SPMIP4: variants seen among roughly 807,000 people sequenced by gnomAD.
The protein encoded by SPMIP4 is sperm-associated microtubule inner protein 4.
chr7:25,157,870 C>T, the SPMIP4 span, among the ~76,000 whole-genome samples: 6 of 152,122 alleles, frequency 3.9e-5, no homozygotes, highest in South Asian at 6.2e-4. Flanking sequence ...ACAAATGTGC[C>T]ATATTAATGT....
the SPMIP4 span, chr7:25,134,763 TAA>T: frequency 2.0e-6 from 2 of 985,176 alleles, no homozygotes; most frequent in Non-Finnish European, 2.4e-6. Context: ...TACTCTGTGA[TAA>T]AAAGTGTGTA....
chr7:25,174,866 C>T, the SPMIP4 span, among the ~76,000 whole-genome samples: 1 of 152,096 alleles, frequency 6.6e-6, no homozygotes, highest in South Asian at 2.1e-4. The surrounding 1 kb of genome is among the most constrained non-coding windows in gnomAD (Gnocchi z 4.5). Context: ...AAAATTACCA[C>T]CTGTTTATAT....
chr7:25,164,235 T>C, the SPMIP4 span, among the ~76,000 whole-genome samples: 2 of 152,308 alleles, frequency 1.3e-5, no homozygotes, highest in East Asian at 3.9e-4. Flanking sequence ...CCTCGAGCTT[T>C]GGTGGTTTAG....
chr7:25,143,048 T>C, the SPMIP4 span, among the ~76,000 whole-genome samples: 2 of 152,204 alleles, frequency 1.3e-5, no homozygotes, highest in Non-Finnish European at 2.9e-5. Flanking sequence ...TCTTTTGCCT[T>C]AGCTGGGACT....
chr7:25,132,044 T>C, the SPMIP4 span, among the ~76,000 whole-genome samples: 2 of 152,074 alleles, frequency 1.3e-5, no homozygotes, highest in Non-Finnish European at 2.9e-5. This position sits in a 1 kb window ranked among gnomAD's most constrained non-coding sequence, Gnocchi z 5.0. Flanking sequence ...CAAGATTTAA[T>C]AGAGTGAAAT....
the SPMIP4 span, among the ~76,000 whole-genome samples, chr7:25,148,474 CCT>C: frequency 1.4e-5 from 1 of 71,774 alleles, no homozygotes; most frequent in East Asian, 3.2e-4. Context: ...ACAGAATCTG[CCT>C]CTTTTTTTTT....
At chr7:25,150,478 C>A in the SPMIP4 span, among the ~76,000 whole-genome samples, 27 of 152,174 alleles carry the variant, frequency 1.8e-4, no homozygotes, top group Non-Finnish European at 1.5e-4. Flanking sequence ...ACATGCTGGG[C>A]CTGTCACAGT....
chr7:25,149,826 G>A, the SPMIP4 span, among the ~76,000 whole-genome samples: 3 of 152,112 alleles, frequency 2.0e-5, no homozygotes, highest in Admixed American at 6.6e-5. Context: ...CAGATTTTTA[G>A]TGAAATTACC....
At chr7:25,136,206 GAAC>G in the SPMIP4 span, 1 of 1,614,130 alleles carries the variant, frequency 6.2e-7, no homozygotes, top group Non-Finnish European at 8.5e-7. This position sits in a 1 kb window ranked among gnomAD's most constrained non-coding sequence, Gnocchi z 5.7. Context: ...CCATATTCAA[GAAC>G]AACTCTTCTT....
chr7:25,135,526 CA>C, the SPMIP4 span: 1 of 982,182 alleles, frequency 1.0e-6, no homozygotes, highest in Non-Finnish European at 1.2e-6. Context: ...CTACTATGTA[CA>C]AAAATTTACA....
chr7:25,167,501 C>T, the SPMIP4 span, among the ~76,000 whole-genome samples: 1 of 152,184 alleles, frequency 6.6e-6, no homozygotes, highest in Non-Finnish European at 1.5e-5. Context: ...TCTAATTGGC[C>T]TGTGACTGTC....
At chr7:25,150,021 G>C in the SPMIP4 span, among the ~76,000 whole-genome samples, 1 of 152,202 alleles carries the variant, frequency 6.6e-6, no homozygotes, top group African/African-American at 2.4e-5. Flanking sequence ...TGGGCAGAGA[G>C]GCCTTGGGAG....
the SPMIP4 span, among the ~76,000 whole-genome samples, chr7:25,141,485 T>C: frequency 4.8e-5 from 7 of 146,994 alleles, no homozygotes; most frequent in South Asian, 1.5e-3. Flanking sequence ...GGCATGAGAA[T>C]CGCTTGAACC....
chr7:25,153,623 T>G, the SPMIP4 span, among the ~76,000 whole-genome samples: 1 of 152,066 alleles, frequency 6.6e-6, no homozygotes, highest in Non-Finnish European at 1.5e-5. Context: ...TCTTGCTAAC[T>G]ATGTGTACTT....
chr7:25,179,444 C>T, the SPMIP4 span: 1 of 843,276 alleles, frequency 1.2e-6, no homozygotes, highest in East Asian at 2.7e-5. Context: ...ACAGGCTTCC[C>T]TCTGCACTGA....
At chr7:25,155,161 G>T in the SPMIP4 span, 15 of 1,576,452 alleles carry the variant, frequency 9.5e-6, no homozygotes, top group Admixed American at 1.9e-5. Flanking sequence ...GTGTGGTAGG[G>T]GTGTTCAATT....
chr7:25,161,220 T>C, the SPMIP4 span: 3 of 1,566,848 alleles, frequency 1.9e-6, no homozygotes, highest in African/African-American at 4.1e-5. Flanking sequence ...TCACTTTTTT[T>C]GTTCTGGGTC....
At chr7:25,147,899 T>G in the SPMIP4 span, among the ~76,000 whole-genome samples, 1 of 152,188 alleles carries the variant, frequency 6.6e-6, no homozygotes, top group Non-Finnish European at 1.5e-5. Context: ...ATTGAAGGAT[T>G]AAGTATGTTA....
chr7:25,179,378 GGC>G, the SPMIP4 span: 1 of 1,542,500 alleles, frequency 6.5e-7, no homozygotes. Flanking sequence ...AGTCAAGGCA[GGC>G]AGAAAACACA....
Sources: allele counts gnomAD v4.1 joint callset (sites outside exome capture counted in the v4.1 genomes callset), GRCh38; gene constraint gnomAD v4.1.1; non-coding constraint Gnocchi (gnomAD v3.1); transcripts MANE v1.5; gene names NCBI Gene and HGNC (gene_info 2026-07-23, HGNC 2026-07-21).